Variants in ARHGAP32 observed in about 807,000 individuals in gnomAD.
ARHGAP32 encodes rho GTPase-activating protein 32.
In ARHGAP32, 51 loss-of-function variants were observed where a neutral mutation model predicts 186.5. The ratio of observed to expected loss-of-function variants is 0.27; its 90% CI spans 0.22 to 0.35. The LOEUF (loss-of-function observed/expected upper bound fraction) is 0.35. Ranked by LOEUF, ARHGAP32 falls within the 10% of genes least tolerant of loss-of-function variation. The pLI, the probability that ARHGAP32 is intolerant of heterozygous loss-of-function variation, is 1.00. For synonymous variants in ARHGAP32, 950 were observed against 964.3 expected (o/e 0.99, Z 0.27); for missense variants, 2,186 against 2,623.5 (o/e 0.83, Z 3.64).
intron 1 of ARHGAP32, among the ~76,000 whole-genome samples, chr11:129,272,981 A>G (rs1207553504): frequency 2.0e-5 from 3 of 152,206 alleles, no homozygotes; most frequent in Admixed American, 2.0e-4. Flanking sequence ...TTGTCTACCA[A>G]CAGGTTGATT....
intron 1 of ARHGAP32, among the ~76,000 whole-genome samples, chr11:129,180,476 TTTA>T (rs1342625732): frequency 6.6e-6 from 1 of 152,168 alleles, no homozygotes; most frequent in East Asian, 1.9e-4. Context: ...ATTTGTAGAC[TTTA>T]TTATATGTGT....
At chr11:129,077,871 A>G (rs1243916702) in intron 6 of ARHGAP32, among the ~76,000 whole-genome samples, 1 of 152,056 alleles carries the variant, frequency 6.6e-6, no homozygotes, top group Non-Finnish European at 1.5e-5. Context: ...AAGCAAACCA[A>G]CTCACGCCAT....
chr11:129,140,245 T>G (rs1199025502), intron 2 of ARHGAP32, among the ~76,000 whole-genome samples: 1 of 151,758 alleles, frequency 6.6e-6, no homozygotes, highest in Non-Finnish European at 1.5e-5. Context: ...AACAGGGACC[T>G]CAGATCTACA....
At position 129,159,373 on chromosome 11, in the gene ARHGAP32, T is replaced by G. The variant is rs139933894; in HGVS notation, c.225+4946A>C. On this transcript the variant is annotated intron_variant, in intron 2 of 22. Transcript: ENST00000682385. ...CAATAAAAAATGATGAAGGGGATAT[T>G]AGCACTGATCCCACAGAAATACAAA... Among the ~76,000 whole-genome samples the G allele has an allele frequency of 5.3e-5, 8 of 152,010 alleles. No homozygotes were observed. In the East Asian group the frequency reaches 1.6e-3, roughly 30 times the overall value.
intron 10 of ARHGAP32, among the ~76,000 whole-genome samples, chr11:129,057,567 GGGGGATT>G (rs1940303191): frequency 6.6e-6 from 1 of 151,980 alleles, no homozygotes; most frequent in African/African-American, 2.4e-5. Flanking sequence ...CAACATAGCT[GGGGGATT>G]GGTTCCAGAA....
At chr11:129,247,655 A>G (rs749568688) in intron 1 of ARHGAP32, among the ~76,000 whole-genome samples, 1 of 152,236 alleles carries the variant, frequency 6.6e-6, no homozygotes, top group Non-Finnish European at 1.5e-5. Flanking sequence ...TTTGAAGCAC[A>G]TTTTTAAAAC....
intron 5 of ARHGAP32, among the ~76,000 whole-genome samples, chr11:129,098,670 C>T (rs546607145): frequency 1.3e-5 from 2 of 152,212 alleles, no homozygotes; most frequent in African/African-American, 2.4e-5. Context: ...CCACCCGCCT[C>T]GGCCTCCCAA....
At chr11:129,061,699 A>C (rs1940511041) in intron 10 of ARHGAP32, among the ~76,000 whole-genome samples, 1 of 152,180 alleles carries the variant, frequency 6.6e-6, no homozygotes. Context: ...CACACTACTC[A>C]GAACAGCATG....
intron 11 of ARHGAP32, among the ~76,000 whole-genome samples, chr11:128,999,702 T>C (rs1237720001): frequency 6.6e-6 from 1 of 152,124 alleles, no homozygotes; most frequent in Non-Finnish European, 1.5e-5. Flanking sequence ...TTTGGGAAAA[T>C]AGAAAAGAAC....
At chr11:129,103,253 C>T (rs760285122) in intron 5 of ARHGAP32, among the ~76,000 whole-genome samples, 6 of 151,692 alleles carry the variant, frequency 4.0e-5, no homozygotes, top group Non-Finnish European at 5.9e-5. Flanking sequence ...ATAGAAAATG[C>T]GAAAAATGAT....
chr11:129,221,385 C>T (rs1460115488), intron 1 of ARHGAP32, among the ~76,000 whole-genome samples: 1 of 151,860 alleles, frequency 6.6e-6, no homozygotes, highest in Non-Finnish European at 1.5e-5. Flanking sequence ...ATGAACTAGA[C>T]TTCTAAAGGA....
At chr11:129,169,929 C>G (rs2135500868) in intron 1 of ARHGAP32, among the ~76,000 whole-genome samples, 1 of 152,060 alleles carries the variant, frequency 6.6e-6, no homozygotes, top group South Asian at 2.1e-4. Flanking sequence ...CCCAATCCAT[C>G]CAATAAGGCC....
intron 1 of ARHGAP32, among the ~76,000 whole-genome samples, chr11:129,239,197 T>C (rs1431917907): frequency 6.6e-6 from 1 of 152,202 alleles, no homozygotes; most frequent in Non-Finnish European, 1.5e-5. Flanking sequence ...GCTTATTAAA[T>C]AGTACAGACT....
intron 10 of ARHGAP32, among the ~76,000 whole-genome samples, chr11:129,051,181 T>C (rs1940026384): frequency 6.6e-6 from 1 of 152,212 alleles, no homozygotes. Flanking sequence ...CTGAGTCAAA[T>C]GGTATTTCTG....
intron 1 of ARHGAP32, among the ~76,000 whole-genome samples, chr11:129,268,528 G>A (rs757197769): frequency 1.3e-4 from 19 of 151,728 alleles, no homozygotes; most frequent in Non-Finnish European, 2.4e-4. Context: ...CCTATATAGC[G>A]GCAATATGAA....
intron 5 of ARHGAP32, among the ~76,000 whole-genome samples, chr11:129,099,943 C>A (rs1020531665): frequency 6.6e-6 from 1 of 152,148 alleles, no homozygotes; most frequent in African/African-American, 2.4e-5. Flanking sequence ...GTGCACTGCA[C>A]CAGGACTCGT....
chr11:129,033,984 C>A (rs548203586), intron 11 of ARHGAP32, among the ~76,000 whole-genome samples: 27 of 152,344 alleles, frequency 1.8e-4, no homozygotes, highest in African/African-American at 5.8e-4. Flanking sequence ...GAAGCTTTCA[C>A]AATATATCTT....
At position 128,968,315 on chromosome 11, in the gene ARHGAP32, A is replaced by T. The variant is rs549693103; in HGVS notation, c.*592T>A. 2.0e-5 allele frequency: 3 copies of T among 152,210 alleles called. No individual in the cohort carries two copies. The highest frequency in any genetic ancestry group is 7.2e-5 in the African/African-American group (3 of 41,536). 9.4% of individuals were successfully genotyped at this position (152,210 alleles called of 1,614,324 possible). A position where few individuals can be genotyped will look rare whatever the true frequency, so the allele number is the denominator to read the frequency against. On this transcript the variant is annotated 3_prime_UTR_variant, in exon 23 of 23. Transcript: ENST00000682385. ...ACCAAATGTTTAATTTAAAGTCTTAATTTCTTATTTTTAATTATAATGTTG... is the reference window on the plus strand; with the variant it reads ...ACCAAATGTTTAATTTAAAGTCTTATTTTCTTATTTTTAATTATAATGTTG...
chr11:129,050,653 C>T (rs955362835), intron 10 of ARHGAP32, among the ~76,000 whole-genome samples: 3 of 152,124 alleles, frequency 2.0e-5, no homozygotes, highest in African/African-American at 7.2e-5. Flanking sequence ...TTAATTATTT[C>T]TTTATTATAC....
Sources: gnomAD v4.1 joint callset for allele counts (sites outside exome capture counted in the v4.1 genomes callset) on GRCh38, gnomAD v4.1.1 for gene constraint, MANE v1.5 for transcripts, NCBI Gene and HGNC (gene_info 2026-07-23, HGNC 2026-07-21) for gene names.